The following ANKS1B variants were observed in gnomAD, a reference collection of about 807,000 sequenced individuals.
The protein encoded by ANKS1B is ankyrin repeat and sterile alpha motif domain-containing protein 1B.
A neutral mutation model predicts 148.3 loss-of-function variants in ANKS1B; 36 were observed. That is an observed-to-expected ratio of 0.24 (90% confidence interval 0.19 to 0.32). ANKS1B has a LOEUF of 0.32. Among genes scored for constraint, ANKS1B ranks in the 10% least tolerant of loss-of-function variants. The pLI, the probability that ANKS1B is intolerant of heterozygous loss-of-function variation, is 1.00. For missense variants in ANKS1B, 1,157 were observed against 1,542.6 expected, an observed-to-expected ratio of 0.75 and a Z score of 4.19; for synonymous variants, 542 against 560.8, an observed-to-expected ratio of 0.97 and a Z score of 0.47.
intron 17 of ANKS1B, among the ~76,000 whole-genome samples, chr12:98,974,903 C>T (rs1259991374): frequency 6.7e-6 from 1 of 149,058 alleles, no homozygotes; most frequent in Non-Finnish European, 1.5e-5. Context: ...CCTTTCCTAC[C>T]TCCCTCCCTT....
chr12:99,750,939 A>C (rs2153594689), intron 8 of ANKS1B, among the ~76,000 whole-genome samples: 1 of 152,132 alleles, frequency 6.6e-6, no homozygotes, highest in South Asian at 2.1e-4. Flanking sequence ...TATTACCTTA[A>C]CTAATATAGC....
intron 1 of ANKS1B, among the ~76,000 whole-genome samples, chr12:99,982,558 G>A (rs1329776378): frequency 6.6e-6 from 1 of 152,084 alleles, no homozygotes; most frequent in Non-Finnish European, 1.5e-5. Context: ...TATAACTGAT[G>A]GATCCACAGC....
Position 99,467,267 on chromosome 12 carries a change from T to C in ANKS1B, c.1439-23458A>G, listed in dbSNP as rs967549072. Among the ~76,000 whole-genome samples the C allele has an allele frequency of 4.6e-5, 7 of 152,230 alleles. No individual in the cohort carries two copies. The East Asian group carries it at 9.7e-4, about 21-fold the overall frequency. Reference sequence around the variant, plus strand: ...CTTCATTCTAAAAACTCTCAATAAATTAGGTATTGATGGGTTGTATCGCAA... The same window carrying C: ...CTTCATTCTAAAAACTCTCAATAAACTAGGTATTGATGGGTTGTATCGCAA... On this transcript the variant is annotated intron_variant, in intron 10 of 26. Transcript: ENST00000683438.
chr12:99,717,296 T>C (rs1041147401), intron 8 of ANKS1B, among the ~76,000 whole-genome samples: 10 of 152,106 alleles, frequency 6.6e-5, no homozygotes, highest in Non-Finnish European at 1.3e-4. Flanking sequence ...AGGTGTACAA[T>C]AATAGGGTAG....
At chr12:99,359,930 T>C (rs1179069042) in intron 12 of ANKS1B, among the ~76,000 whole-genome samples, 1 of 152,182 alleles carries the variant, frequency 6.6e-6, no homozygotes, top group East Asian at 1.9e-4. Flanking sequence ...AAAGTGTTAA[T>C]AGTATTTCAT....
intron 1 of ANKS1B, among the ~76,000 whole-genome samples, chr12:99,891,817 A>C (rs538803764): frequency 1.3e-5 from 2 of 152,250 alleles, no homozygotes; most frequent in South Asian, 4.1e-4. Context: ...TTTACCTTTT[A>C]ATGTGACACA....
At chr12:99,980,063 T>C (rs572531864) in intron 1 of ANKS1B, among the ~76,000 whole-genome samples, 10 of 150,012 alleles carry the variant, frequency 6.7e-5, no homozygotes, top group Admixed American at 3.3e-4. Flanking sequence ...AAATACAACA[T>C]AAAACAAATC....
intron 2 of ANKS1B, among the ~76,000 whole-genome samples, chr12:99,816,506 G>A (rs74432639): frequency 0.011 from 1,595 of 151,176 alleles, 24 homozygotes; most frequent in South Asian, 0.057. Flanking sequence ...ATTTATTTTC[G>A]TTTTTGTTTA....
At chr12:99,637,527 C>T (rs993402193) in intron 9 of ANKS1B, among the ~76,000 whole-genome samples, 1 of 152,044 alleles carries the variant, frequency 6.6e-6, no homozygotes. Context: ...GAAAGGCAGA[C>T]CCACCCTTAA....
At chr12:99,051,546 G>C (rs77631103) in intron 17 of ANKS1B, among the ~76,000 whole-genome samples, 2,615 of 152,300 alleles carry the variant, frequency 0.017, 84 homozygotes, top group African/African-American at 0.059. Flanking sequence ...CATGTGATGA[G>C]TGTCAAGTTC....
chr12:99,315,238 CAAA>C (rs797010918), intron 12 of ANKS1B, among the ~76,000 whole-genome samples: 1 of 84,670 alleles, frequency 1.2e-5, no homozygotes. Context: ...GACTTCATCT[CAAA>C]AAAAAAAAAA....
At chr12:99,800,891 T>C (rs1431173589) in intron 4 of ANKS1B, among the ~76,000 whole-genome samples, 1 of 151,866 alleles carries the variant, frequency 6.6e-6, no homozygotes, top group African/African-American at 2.4e-5. Context: ...TTGGATGAGG[T>C]CAATGAGGAA....
intron 15 of ANKS1B, among the ~76,000 whole-genome samples, chr12:99,112,583 G>A (rs182150368): frequency 1.3e-5 from 2 of 152,178 alleles, no homozygotes; most frequent in East Asian, 1.9e-4. Context: ...TCCTGGCACA[G>A]TATGTATGGA....
intron 9 of ANKS1B, among the ~76,000 whole-genome samples, chr12:99,548,401 A>G (rs1362529236): frequency 1.3e-5 from 2 of 152,166 alleles, no homozygotes; most frequent in Admixed American, 1.3e-4. Context: ...TAGGTGCTCA[A>G]TAAGTATCTG....
At chr12:99,172,909 TATA>T (rs1195247353) in intron 14 of ANKS1B, among the ~76,000 whole-genome samples, 5 of 152,160 alleles carry the variant, frequency 3.3e-5, no homozygotes, top group East Asian at 1.9e-4. Context: ...TATTATTAGC[TATA>T]ATAAGTATTT....
intron 14 of ANKS1B, among the ~76,000 whole-genome samples, chr12:99,236,365 C>T (rs371082646): frequency 2.6e-5 from 4 of 152,230 alleles, no homozygotes; most frequent in African/African-American, 4.8e-5. Flanking sequence ...CTCGCAGTTT[C>T]GCATGGCTGA....
At chr12:98,792,006 T>C (rs2098871655) in intron 22 of ANKS1B, among the ~76,000 whole-genome samples, 1 of 152,242 alleles carries the variant, frequency 6.6e-6, no homozygotes, top group Non-Finnish European at 1.5e-5. Context: ...AAAGTCTTAA[T>C]ACTTCAACTA....
intron 19 of ANKS1B, among the ~76,000 whole-genome samples, chr12:98,814,711 G>A (rs1421996080): frequency 6.6e-6 from 1 of 152,112 alleles, no homozygotes; most frequent in African/African-American, 2.4e-5. Flanking sequence ...CTCAATCCCT[G>A]TCACATATAT....
chr12:98,757,822 G>A (rs750042075), intron 25 of ANKS1B, among the ~76,000 whole-genome samples: 3 of 152,166 alleles, frequency 2.0e-5, no homozygotes, highest in Non-Finnish European at 4.4e-5. Flanking sequence ...TACTTGCTTT[G>A]GTCTTTCTAG....
Sources: allele counts gnomAD v4.1 joint callset (sites outside exome capture counted in the v4.1 genomes callset), GRCh38; gene constraint gnomAD v4.1.1; transcripts MANE v1.5; gene names NCBI Gene and HGNC (gene_info 2026-07-23, HGNC 2026-07-21).